The following TCERG1L variants were observed in gnomAD, a reference collection of about 807,000 sequenced individuals.
TCERG1L encodes the protein transcription elongation regulator 1-like protein.
A neutral mutation model predicts 56.3 loss-of-function variants in TCERG1L; 37 were observed. That is an observed-to-expected ratio of 0.66 (90% CI 0.51 to 0.87). The LOEUF is 0.87. TCERG1L is among the 40% of genes least tolerant of loss of function. The pLI is 0.00. For synonymous variants in TCERG1L, 324 were observed against 326.3 expected (o/e 0.99, Z 0.08); for missense variants, 799 against 774.2 (o/e 1.03, Z -0.38).
At chr10:131,200,075 C>A (rs780414458) in intron 4 of TCERG1L, among the ~76,000 whole-genome samples, 1 of 152,206 alleles carries the variant, frequency 6.6e-6, no homozygotes, top group East Asian at 1.9e-4. Flanking sequence ...GAGCTCTCAC[C>A]AGGATCGTCC....
chr10:131,311,679 C>G lies in TCERG1L; in HGVS notation c.-44G>C, dbSNP rs1462417978. The G allele has an allele frequency of 1.4e-5, 14 of 1,019,694 alleles. No individual in the cohort carries two copies. Among genetic ancestry groups the G allele is most frequent in the Non-Finnish European group, 1.7e-5 (14 of 832,538 alleles). 63.2% of individuals were successfully genotyped at this position (1,019,694 alleles called of 1,614,324 possible). A position where few individuals can be genotyped will look rare whatever the true frequency, so the allele number is the denominator to read the frequency against. On this transcript the variant is annotated 5_prime_UTR_variant, in exon 1 of 12. Coordinates refer to ENST00000368642, the MANE Select transcript of TCERG1L (RefSeq NM_174937.4). This position sits in a 1 kb window ranked among gnomAD's most constrained non-coding sequence, Gnocchi z 4.0. ...CGGCGGCGGCGGGGGCGGCGGGCGC[C>G]CGAGATGCTGGGCCGGCGGCGGCGC...
intron 6 of TCERG1L, among the ~76,000 whole-genome samples, chr10:131,148,057 C>G (rs1163767977): frequency 2.0e-5 from 3 of 152,220 alleles, no homozygotes; most frequent in Non-Finnish European, 4.4e-5. Context: ...CTCAGCCCAG[C>G]CACGCTCATG....
intron 4 of TCERG1L, among the ~76,000 whole-genome samples, chr10:131,170,195 T>C (rs1286018552): frequency 6.6e-6 from 1 of 152,004 alleles, no homozygotes; most frequent in African/African-American, 2.4e-5. Flanking sequence ...ACACACATAA[T>C]TGGGTCTGCG....
At chr10:131,102,692 A>G (rs1039584614) in intron 10 of TCERG1L, among the ~76,000 whole-genome samples, 1 of 152,014 alleles carries the variant, frequency 6.6e-6, no homozygotes, top group African/African-American at 2.4e-5. Flanking sequence ...TCATTTCTGA[A>G]CTCAAAGGGC....
chr10:131,278,324 GTCTTT>G (rs762031152), intron 3 of TCERG1L, among the ~76,000 whole-genome samples: 1 of 150,588 alleles, frequency 6.6e-6, no homozygotes. Flanking sequence ...GAGCTACATC[GTCTTT>G]TCTTTTTTCT....
intron 7 of TCERG1L, 55 bp from the exon 8 acceptor site, chr10:131,134,503 A>C: frequency 7.1e-7 from 1 of 1,417,226 alleles, no homozygotes; most frequent in Non-Finnish European, 9.8e-7. Flanking sequence ...GGGCTTTGGC[A>C]AAACCACCAG....
At chr10:131,112,747 T>G (rs1564794040) in intron 9 of TCERG1L, among the ~76,000 whole-genome samples, 1 of 142,388 alleles carries the variant, frequency 7.0e-6, no homozygotes, top group Non-Finnish European at 1.6e-5. Flanking sequence ...TGGAAGGTGA[T>G]TCCAGGCAGT....
Position 131,311,151 on chromosome 10 carries a change from G to C in TCERG1L, c.342+143C>G. 1 of 609,558 alleles carries C rather than the reference G, an allele frequency of 1.6e-6. No homozygotes were observed. 37.8% of individuals were successfully genotyped at this position (609,558 alleles called of 1,614,324 possible). A position where few individuals can be genotyped will look rare whatever the true frequency, so the allele number is the denominator to read the frequency against. ...ACTTTCTCGCCGAGGCACGGCTGCCGGGCTCCGTCCTGAGGGTTTGGGGCG... is the reference window on the plus strand; with the variant it reads ...ACTTTCTCGCCGAGGCACGGCTGCCCGGCTCCGTCCTGAGGGTTTGGGGCG... On this transcript the variant is annotated intron_variant, in intron 1 of 11. Transcript: ENST00000368642. This position sits in a 1 kb window ranked among gnomAD's most constrained non-coding sequence, Gnocchi z 4.0.
chr10:131,221,794 T>C lies in TCERG1L; in HGVS notation c.856+38465A>G, dbSNP rs536381844. On this transcript the variant is annotated intron_variant, in intron 4 of 11. Coordinates refer to ENST00000368642, the MANE Select transcript of TCERG1L (RefSeq NM_174937.4). ...GGTCTGCTTTTCTGCAGTGTGAAAA[T>C]TGTACAGGAGAAGTGGCGTCTTTCT... Among the ~76,000 whole-genome samples the C allele has an allele frequency of 3.9e-5, 6 of 152,234 alleles. No homozygotes were observed. The East Asian group carries it at 1.2e-3, about 29-fold the overall frequency.
chr10:131,164,954 C>T lies in TCERG1L; in HGVS notation c.946-1744G>A, dbSNP rs910694470. Among the ~76,000 whole-genome samples the T allele has an allele frequency of 3.9e-5, 6 of 152,348 alleles. No homozygotes were observed. In the East Asian group the frequency reaches 9.6e-4, roughly 24 times the overall value. Reference sequence around the variant, plus strand: ...AGCACATGTGGGTCCCTGAGGGCTGCGCTGGGCCAGGCCCATCTGCACTGT... The same window carrying T: ...AGCACATGTGGGTCCCTGAGGGCTGTGCTGGGCCAGGCCCATCTGCACTGT... On this transcript the variant is annotated intron_variant, in intron 5 of 11. Transcript: ENST00000368642.
At chr10:131,116,077 C>T (rs986275304) in intron 9 of TCERG1L, among the ~76,000 whole-genome samples, 1 of 152,142 alleles carries the variant, frequency 6.6e-6, no homozygotes, top group African/African-American at 2.4e-5. Context: ...CTGCAGTCAG[C>T]CTTATTTTGT....
intron 4 of TCERG1L, among the ~76,000 whole-genome samples, chr10:131,246,135 G>T (rs1846034415): frequency 6.6e-6 from 1 of 152,182 alleles, no homozygotes; most frequent in Non-Finnish European, 1.5e-5. Flanking sequence ...GCTGGAGGGG[G>T]GATTGCACCT....
intron 3 of TCERG1L, among the ~76,000 whole-genome samples, chr10:131,272,186 C>T (rs959320588): frequency 1.3e-5 from 2 of 152,154 alleles, no homozygotes; most frequent in Admixed American, 6.5e-5. Context: ...CGCCTCCACA[C>T]ACAGCTCCAC....
intron 4 of TCERG1L, among the ~76,000 whole-genome samples, chr10:131,245,629 A>G (rs1016984211): frequency 6.6e-6 from 1 of 152,200 alleles, no homozygotes; most frequent in African/African-American, 2.4e-5. Context: ...CCGCCGCCAC[A>G]TGTGGCTCTC....
At chr10:131,227,370 T>C (rs1564820424) in intron 4 of TCERG1L, among the ~76,000 whole-genome samples, 1 of 152,222 alleles carries the variant, frequency 6.6e-6, no homozygotes, top group Non-Finnish European at 1.5e-5. Flanking sequence ...ACACGCGGTG[T>C]GGGCAGAGCT....
intron 8 of TCERG1L, among the ~76,000 whole-genome samples, chr10:131,124,023 G>A (rs943712283): frequency 1.6e-4 from 25 of 152,144 alleles, no homozygotes; most frequent in Non-Finnish European, 1.5e-4. Context: ...GGCTGTCCCC[G>A]CAGCAGAGGC....
chr10:131,284,360 G>A (rs1356777462), intron 3 of TCERG1L, among the ~76,000 whole-genome samples: 6 of 152,068 alleles, frequency 3.9e-5, no homozygotes, highest in African/African-American at 1.4e-4. Flanking sequence ...ATGAAACTGA[G>A]TGATAACAAA....
At chr10:131,094,138 G>A (rs1443720046) in intron 11 of TCERG1L, among the ~76,000 whole-genome samples, 5 of 152,196 alleles carry the variant, frequency 3.3e-5, no homozygotes. Flanking sequence ...ACCTTCGCAG[G>A]CACCGGGCCC....
chr10:131,278,338 C>CTTT (rs755934156), intron 3 of TCERG1L, among the ~76,000 whole-genome samples: 1 of 137,074 alleles, frequency 7.3e-6, no homozygotes. Context: ...TTTCTTTTTT[C>CTTT]TTTTTTTTTT....
Sources: allele counts gnomAD v4.1 joint callset (sites outside exome capture counted in the v4.1 genomes callset), GRCh38; gene constraint gnomAD v4.1.1; non-coding constraint Gnocchi (gnomAD v3.1); transcripts MANE v1.5; gene names NCBI Gene and HGNC (gene_info 2026-07-23, HGNC 2026-07-21).